The following CECR2 variants were observed in gnomAD, a reference collection of about 807,000 sequenced individuals.
CECR2 encodes chromatin remodeling regulator CECR2.
Under a neutral mutation model 154.5 loss-of-function variants are expected in CECR2, and 30 were observed. The ratio of observed to expected loss-of-function variants is 0.19; its 90% CI spans 0.15 to 0.26. The LOEUF (loss-of-function observed/expected upper bound fraction) is 0.26, where lower values mean the gene tolerates loss of function less well. Among genes scored for constraint, CECR2 ranks in the 10% least tolerant of loss-of-function variants. The probability of loss-of-function intolerance (pLI) is 1.00; values close to 1 mark genes in which losing one functional copy is unlikely to be tolerated. For missense variants in CECR2, 1,743 were observed against 1,829.3 expected (o/e 0.95, Z 0.86); for synonymous variants, 725 against 683.7 (o/e 1.06, Z -0.94).
chr22:17,469,757 C>T (rs972733536), intron 1 of CECR2, among the ~76,000 whole-genome samples: 5 of 152,184 alleles, frequency 3.3e-5, no homozygotes, highest in African/African-American at 7.2e-5. Context: ...TCTTCCTTGG[C>T]GGTGACCTGC....
intron 1 of CECR2, among the ~76,000 whole-genome samples, chr22:17,473,588 C>T (rs1569105053): frequency 6.6e-6 from 1 of 152,164 alleles, no homozygotes; most frequent in Non-Finnish European, 1.5e-5. Context: ...CGCAGTTTTT[C>T]CACAAACTAT....
intron 1 of CECR2, among the ~76,000 whole-genome samples, chr22:17,415,474 T>C (rs1386300911): frequency 6.6e-6 from 1 of 152,176 alleles, no homozygotes; most frequent in African/African-American, 2.4e-5. Context: ...ACTCCTGGGC[T>C]CAAGCGATCT....
At chr22:17,529,360 C>G (rs957481881) in intron 9 of CECR2, among the ~76,000 whole-genome samples, 2 of 152,070 alleles carry the variant, frequency 1.3e-5, no homozygotes, top group African/African-American at 2.4e-5. Flanking sequence ...TGAGTCCTAC[C>G]AGGTAGCCCA....
chr22:17,459,760 T>G (rs1399851514), intron 1 of CECR2, among the ~76,000 whole-genome samples: 4 of 152,246 alleles, frequency 2.6e-5, no homozygotes, highest in Non-Finnish European at 5.9e-5. Flanking sequence ...TTGTGCATCC[T>G]TCACTCTTTG....
intron 1 of CECR2, among the ~76,000 whole-genome samples, chr22:17,377,083 C>A (rs2063127596): frequency 1.3e-5 from 2 of 152,136 alleles, no homozygotes; most frequent in African/African-American, 4.8e-5. Context: ...GTCTAAAGTT[C>A]TGTGATTCTA....
At chr22:17,492,772 T>C (rs1439980464) in intron 2 of CECR2, among the ~76,000 whole-genome samples, 1 of 152,136 alleles carries the variant, frequency 6.6e-6, no homozygotes, top group Non-Finnish European at 1.5e-5. Flanking sequence ...AAATGAAATG[T>C]TTTATTATAG....
intron 1 of CECR2, among the ~76,000 whole-genome samples, chr22:17,401,396 G>A (rs532298723): frequency 3.3e-5 from 5 of 152,234 alleles, no homozygotes; most frequent in Middle Eastern, 3.4e-3. Context: ...CCATTACCAC[G>A]TCAAGACGAA....
intron 1 of CECR2, among the ~76,000 whole-genome samples, chr22:17,426,420 G>A (rs1026585169): frequency 2.6e-5 from 4 of 152,078 alleles, no homozygotes; most frequent in African/African-American, 7.2e-5. Context: ...GCAGTGGCGC[G>A]ATTTCAGCTC....
At chr22:17,497,653 C>T (rs1275410184) in intron 3 of CECR2, 67 bp downstream of exon 3, 18 of 1,502,746 alleles carry the variant, frequency 1.2e-5, no homozygotes, top group Non-Finnish European at 1.6e-5. Context: ...GTAGTCAGAA[C>T]GTAAAACCCA....
chr22:17,458,239 A>T (rs2146722009), intron 1 of CECR2, among the ~76,000 whole-genome samples: 1 of 152,094 alleles, frequency 6.6e-6, no homozygotes, highest in South Asian at 2.1e-4. Flanking sequence ...AGATGGTGAA[A>T]CCCCATCTCT....
At position 17,437,846 on chromosome 22, in the gene CECR2, C is replaced by G. The variant is rs977293847; in HGVS notation, c.127-39742C>G. ...CAAAGATAAAAGGAAAAATTTCCTT[C>G]GACTTCAAGGATGTATAGTGTGAAT... On this transcript the variant is annotated intron_variant, in intron 1 of 18. Transcript: ENST00000262608. 3.3e-5 allele frequency among the ~76,000 whole-genome samples: 5 copies of G among 152,086 alleles called. No homozygotes were observed. The East Asian group carries it at 9.6e-4, about 29-fold the overall frequency.
chr22:17,364,288 A>G (rs2062990549), intron 1 of CECR2, among the ~76,000 whole-genome samples: 1 of 137,144 alleles, frequency 7.3e-6, no homozygotes, highest in South Asian at 2.5e-4. Context: ...GCTTGCAGTG[A>G]GCTGAGATCA....
At position 17,557,904 on chromosome 22, in the gene CECR2, C is replaced by T. The variant is rs1442975948; in HGVS notation, c.*5064C>T. 1.3e-5 allele frequency: 2 copies of T among 152,182 alleles called. No individual in the cohort carries two copies. The highest frequency in any genetic ancestry group is 2.9e-5 in the Non-Finnish European group (2 of 68,054). 9.4% of individuals were successfully genotyped at this position (152,182 alleles called of 1,614,324 possible). A position where few individuals can be genotyped will look rare whatever the true frequency, so the allele number is the denominator to read the frequency against. On this transcript the variant is annotated 3_prime_UTR_variant, in exon 19 of 19. Coordinates refer to ENST00000262608, the MANE Select transcript of CECR2 (RefSeq NM_001290047.2). ...CTGCTCCTGCTGCAAAAGCAGAAAC[C>T]ATGTGAACCTTCTGGCCAGTACTGG...
intron 1 of CECR2, among the ~76,000 whole-genome samples, chr22:17,422,670 C>G (rs1357720393): frequency 6.6e-6 from 1 of 151,596 alleles, no homozygotes; most frequent in Non-Finnish European, 1.5e-5. Flanking sequence ...TTGTACCTGT[C>G]CCAGAGTTCT....
chr22:17,432,533 T>C (rs2054441224), intron 1 of CECR2, among the ~76,000 whole-genome samples: 1 of 152,260 alleles, frequency 6.6e-6, no homozygotes, highest in African/African-American at 2.4e-5. Flanking sequence ...TTTAACCTTT[T>C]GAAGAACTGC....
In CECR2 at chr22:17,369,680, C is replaced by A. The variant is rs1211936770; in HGVS notation, c.-104C>A. On this transcript the variant is annotated 5_prime_UTR_variant, in exon 1 of 19. Transcript: ENST00000262608. ...AGCGGGAGGAGCGCCCCGCCGCCCC[C>A]GCCGAGGACCGCGCGGAGGCTGCGG... 6.8e-6 allele frequency: 1 copy of A among 148,016 alleles called. No homozygotes were observed. Among genetic ancestry groups the A allele is most frequent in the Non-Finnish European group, 1.5e-5 (1 of 66,558 alleles). The allele number at this position is 148,016 out of a possible 1,614,324, so 9.2% of individuals were successfully genotyped here.
chr22:17,480,430 AC>A (rs2055287982), intron 2 of CECR2, among the ~76,000 whole-genome samples: 1 of 139,846 alleles, frequency 7.2e-6, no homozygotes, highest in Non-Finnish European at 1.6e-5. Context: ...ACACACACAC[AC>A]ACACACACAC....
At chr22:17,409,994 A>T (rs1376219631) in intron 1 of CECR2, among the ~76,000 whole-genome samples, 1 of 71,428 alleles carries the variant, frequency 1.4e-5, no homozygotes, top group Non-Finnish European at 3.5e-5. Flanking sequence ...TTATTTATTT[A>T]TTTTTGAGAC....
At chr22:17,520,616 G>A (rs954072222) in intron 8 of CECR2, among the ~76,000 whole-genome samples, 4 of 151,082 alleles carry the variant, frequency 2.6e-5, no homozygotes, top group Non-Finnish European at 5.9e-5. Context: ...GATGTTCCCC[G>A]CCCTGTGCCC....
Sources: allele counts gnomAD v4.1 joint callset (sites outside exome capture counted in the v4.1 genomes callset), GRCh38; gene constraint gnomAD v4.1.1; transcripts MANE v1.5; gene names NCBI Gene and HGNC (gene_info 2026-07-23, HGNC 2026-07-21).